Variants in PCSK2 observed in about 807,000 individuals in gnomAD.
PCSK2 encodes neuroendocrine convertase 2.
In PCSK2, 14 loss-of-function variants were observed where a neutral mutation model predicts 69.7. The observed-to-expected ratio is 0.20, with a 90% CI of 0.13 to 0.31. The LOEUF is 0.31. PCSK2 is among the 10% of genes least tolerant of loss of function. The pLI is 1.00. For missense variants in PCSK2, 544 were observed against 842.5 expected (o/e 0.65, Z 4.39); for synonymous variants, 307 against 320.7 (o/e 0.96, Z 0.46).
chr20:17,472,175 C>T (rs1371332314), intron 11 of PCSK2, among the ~76,000 whole-genome samples: 1 of 152,214 alleles, frequency 6.6e-6, no homozygotes, highest in African/African-American at 2.4e-5. Flanking sequence ...CAGCTGCCCC[C>T]AGCCCCTCTG....
chr20:17,389,701 G>T (rs1020055276), intron 5 of PCSK2, among the ~76,000 whole-genome samples: 1 of 152,142 alleles, frequency 6.6e-6, no homozygotes, highest in African/African-American at 2.4e-5. Flanking sequence ...TCAGTGCAGG[G>T]TTTACAGCTG....
chr20:17,433,480 G>C (rs2032408723), intron 7 of PCSK2, among the ~76,000 whole-genome samples: 1 of 152,212 alleles, frequency 6.6e-6, no homozygotes, highest in Admixed American at 6.5e-5. Context: ...GTATTTACTG[G>C]AGGCAGGGAC....
At chr20:17,231,532 A>G (rs1159389031) in intron 1 of PCSK2, among the ~76,000 whole-genome samples, 2 of 152,240 alleles carry the variant, frequency 1.3e-5, no homozygotes, top group African/African-American at 4.8e-5. Context: ...TTTGGCAAAC[A>G]CATATATGGC....
rs10648323 is a variant in PCSK2 at position 17,473,087 on chromosome 20, C to CTTTTTT, written c.1430+7553_1430+7558dup. 5.8e-3 allele frequency among the ~76,000 whole-genome samples: 448 copies of CTTTTTT among 76,788 alleles called. 29 individuals carry two copies. Among genetic ancestry groups the CTTTTTT allele is most frequent in the African/African-American group, 0.015 (273 of 18,292 alleles). 50.4% of individuals were successfully genotyped at this position (76,788 alleles called of 152,430 possible). On this transcript the variant is annotated intron_variant, in intron 11 of 11. Transcript: ENST00000262545. ...ATCTCTAATAGGTCAAAGAAGAACTCTTTTTTTTTTTTTTTTTTTTTTTTG... is the reference window on the plus strand; with the variant it reads ...ATCTCTAATAGGTCAAAGAAGAACTCTTTTTTTTTTTTTTTTTTTTTTTTTTTTTTG...
chr20:17,317,154 A>G (rs570253861), intron 2 of PCSK2, among the ~76,000 whole-genome samples: 24 of 152,132 alleles, frequency 1.6e-4, no homozygotes, highest in South Asian at 2.1e-4. Flanking sequence ...AAATCAACTT[A>G]GCCTCTCTAT....
intron 2 of PCSK2, among the ~76,000 whole-genome samples, chr20:17,347,998 GAGAAAGAA>G (rs142334200): frequency 8.8e-6 from 1 of 114,228 alleles, no homozygotes; most frequent in Non-Finnish European, 1.8e-5. Context: ...AGAGAAAAAA[GAGAAAGAA>G]AGAAAGAGAG....
chr20:17,326,180 C>A (rs1448225307), intron 2 of PCSK2, among the ~76,000 whole-genome samples: 2 of 152,200 alleles, frequency 1.3e-5, no homozygotes, highest in Non-Finnish European at 2.9e-5. Context: ...AGCCAACGAG[C>A]AATCTACCTC....
chr20:17,354,746 C>T (rs2030135772), intron 2 of PCSK2, among the ~76,000 whole-genome samples: 1 of 152,014 alleles, frequency 6.6e-6, no homozygotes, highest in African/African-American at 2.4e-5. Context: ...CAGCATATTA[C>T]AATTCTTATG....
chr20:17,361,593 C>T (rs890613), intron 4 of PCSK2, among the ~76,000 whole-genome samples: 137,626 of 152,248 alleles, frequency 0.9, 62,380 homozygotes, highest in South Asian at 0.95. Flanking sequence ...CTTTCCCATC[C>T]GAAGATCCTC....
At chr20:17,428,094 C>G (rs952117922) in intron 6 of PCSK2, among the ~76,000 whole-genome samples, 3 of 152,152 alleles carry the variant, frequency 2.0e-5, no homozygotes, top group African/African-American at 7.2e-5. Context: ...ATGTTTCTTC[C>G]CATATGTTCC....
intron 5 of PCSK2, among the ~76,000 whole-genome samples, chr20:17,377,388 G>A (rs956781439): frequency 2.3e-4 from 35 of 152,192 alleles, no homozygotes; most frequent in African/African-American, 8.2e-4. Flanking sequence ...TGAGAGCTCA[G>A]AAGAGCTGCC....
intron 1 of PCSK2, among the ~76,000 whole-genome samples, chr20:17,244,460 A>G (rs1352952791): frequency 2.6e-5 from 4 of 152,144 alleles, no homozygotes; most frequent in Non-Finnish European, 4.4e-5. Context: ...TTTCTCATCT[A>G]TGTAATCCAG....
chr20:17,403,324 G>A (rs1427461379), intron 5 of PCSK2, among the ~76,000 whole-genome samples: 2 of 152,308 alleles, frequency 1.3e-5, no homozygotes, highest in African/African-American at 4.8e-5. Context: ...TCCCTTTAAT[G>A]TTCGTTTCAG....
intron 5 of PCSK2, among the ~76,000 whole-genome samples, chr20:17,370,452 T>C (rs976316930): frequency 6.6e-6 from 1 of 152,246 alleles, no homozygotes; most frequent in African/African-American, 2.4e-5. Context: ...GGAGCATCTT[T>C]TTTAATATTA....
chr20:17,407,946 A>G (rs1436931309), intron 5 of PCSK2, among the ~76,000 whole-genome samples: 1 of 152,188 alleles, frequency 6.6e-6, no homozygotes, highest in African/African-American at 2.4e-5. Flanking sequence ...GATTATTACA[A>G]CTACTGGTGA....
chr20:17,348,786 C>T (rs531119941), intron 2 of PCSK2, among the ~76,000 whole-genome samples: 1 of 152,140 alleles, frequency 6.6e-6, no homozygotes, highest in Admixed American at 6.5e-5. Flanking sequence ...TATGATGACA[C>T]CAGTTATATT....
chr20:17,350,193 G>A (rs751620343), intron 2 of PCSK2, among the ~76,000 whole-genome samples: 2 of 148,150 alleles, frequency 1.3e-5, no homozygotes, highest in African/African-American at 2.5e-5. Flanking sequence ...TCCAAATAAG[G>A]TCACATTCTG....
intron 5 of PCSK2, among the ~76,000 whole-genome samples, chr20:17,397,210 A>G (rs1420339017): frequency 6.6e-6 from 1 of 152,244 alleles, no homozygotes; most frequent in Admixed American, 6.5e-5. Flanking sequence ...TATAAAAATA[A>G]GTGTGTGTTG....
At chr20:17,329,431 G>A (rs1188078424) in intron 2 of PCSK2, among the ~76,000 whole-genome samples, 1 of 152,142 alleles carries the variant, frequency 6.6e-6, no homozygotes, top group Non-Finnish European at 1.5e-5. Flanking sequence ...CAATTATTCA[G>A]AAGCAAGATC....
Sources: gnomAD v4.1 joint callset for allele counts (sites outside exome capture counted in the v4.1 genomes callset) on GRCh38, gnomAD v4.1.1 for gene constraint, MANE v1.5 for transcripts, NCBI Gene and HGNC (gene_info 2026-07-23, HGNC 2026-07-21) for gene names.